Variants in LLGL1 observed in about 807,000 individuals in gnomAD.
LLGL1 encodes the protein LLGL scribble cell polarity complex component 1.
Under a neutral mutation model 110.6 loss-of-function variants are expected in LLGL1, and 58 were observed. That is an observed-to-expected ratio of 0.52 (90% CI 0.42 to 0.65). LLGL1 has a LOEUF of 0.65. Ranked by LOEUF, LLGL1 falls within the 30% of genes least tolerant of loss-of-function variation. The pLI is 0.00. For synonymous variants in LLGL1, 674 were observed against 607.2 expected (o/e 1.11, Z -1.62); for missense variants, 1,229 against 1,462.1 (o/e 0.84, Z 2.60).
chr17:18,232,120 C>T (rs1234554482), intron 2 of LLGL1, among the ~76,000 whole-genome samples: 6 of 152,248 alleles, frequency 3.9e-5, no homozygotes, highest in Non-Finnish European at 7.3e-5. Flanking sequence ...CATAGACACA[C>T]GGAGCTGAAG....
In LLGL1 at chr17:18,225,744, A is replaced by G; in HGVS notation, c.62A>G (p.Glu21Gly). ...ADPQREKLKQ[E>G]LFAFNKTVEH... ...CCGCAGCGCGAGAAGCTCAAGCAGG[A>G]GCTTTTCGCCTTCAACAAGGTGCGG... The change falls in exon 1 of 23, where the codon GAG becomes GGG. Residue 21 changes from glutamate to glycine, a missense_variant. Transcript: ENST00000316843. 9.7e-7 allele frequency: 1 copy of G among 1,032,006 alleles called. No homozygotes were observed. The highest frequency in any genetic ancestry group is 2.8e-5 in the South Asian group (1 of 35,238). 63.9% of individuals were successfully genotyped at this position (1,032,006 alleles called of 1,614,324 possible).
chr17:18,229,303 C>T lies in LLGL1; in HGVS notation c.82-638C>T, dbSNP rs534804598. 2.6e-5 allele frequency among the ~76,000 whole-genome samples: 4 copies of T among 152,236 alleles called. No homozygotes were observed. In the South Asian group the frequency reaches 8.3e-4, roughly 32 times the overall value. On this transcript the variant is annotated intron_variant, in intron 1 of 22. Transcript: ENST00000316843. ...CTCCGCCCCTGATGGTTATGGGAGT[C>T]ATGTTGCCCAGCTGTTGGCAGGTGG...
rs750719870 is a variant in LLGL1, at chr17:18,235,437, C to G, written c.1285-33C>G. On this transcript the variant is annotated intron_variant, in intron 10 of 22. Transcript: ENST00000316843. The stretch of plus-strand genomic sequence containing the variant: ...GAGAGGGAGAAGATGTTCGTCCTAA[C>G]CTTGTGCATACATCTCTGCCACCCC... The G allele has an allele frequency of 6.2e-6, 10 of 1,612,984 alleles. No individual in the cohort carries two copies. The South Asian group carries it at 1.1e-4, about 18-fold the overall frequency.
intron 7 of LLGL1, 89 bp downstream of exon 7, chr17:18,234,497 G>A (rs545876474): frequency 8.2e-6 from 13 of 1,582,410 alleles, no homozygotes; most frequent in South Asian, 5.7e-5. Context: ...GGACTTCCCC[G>A]AGGGGGTGGT....
At chr17:18,225,927 C>A (rs186900966) in intron 1 of LLGL1, among the ~76,000 whole-genome samples, 164 bp downstream of exon 1, 3 of 150,606 alleles carry the variant, frequency 2.0e-5, no homozygotes, top group Admixed American at 2.0e-4. Flanking sequence ...CGGCGGGCCC[C>A]GCTCTGGCTC....
intron 2 of LLGL1, among the ~76,000 whole-genome samples, chr17:18,232,028 GC>G (rs1249333859): frequency 6.6e-6 from 1 of 152,176 alleles, no homozygotes; most frequent in African/African-American, 2.4e-5. Flanking sequence ...GGACTCTTCT[GC>G]CCCCTGGCTT....
chr17:18,228,247 C>T (rs1354228485), intron 1 of LLGL1, among the ~76,000 whole-genome samples: 4 of 152,190 alleles, frequency 2.6e-5, no homozygotes, highest in South Asian at 2.1e-4. Context: ...GTGGCCAGGG[C>T]GGCTGCTGCA....
intron 11 of LLGL1, 176 bp downstream of exon 11, chr17:18,235,713 G>A: frequency 4.8e-6 from 3 of 625,934 alleles, no homozygotes; most frequent in Non-Finnish European, 8.3e-6. Flanking sequence ...TTGGTTCAAG[G>A]TGCTGCCCTG....
At chr17:18,232,199 C>G (rs965047145) in intron 2 of LLGL1, among the ~76,000 whole-genome samples, 2 of 152,254 alleles carry the variant, frequency 1.3e-5, no homozygotes, top group African/African-American at 4.8e-5. Context: ...CTCACTTGAT[C>G]TGCAACAGTC....
chr17:18,228,612 T>C (rs1384106811), intron 1 of LLGL1, among the ~76,000 whole-genome samples: 1 of 152,100 alleles, frequency 6.6e-6, no homozygotes, highest in Non-Finnish European at 1.5e-5. Flanking sequence ...TGCTGGACAG[T>C]GCATGTAACC....
intron 20 of LLGL1, 104 bp downstream of exon 20, chr17:18,242,382 T>C: frequency 6.5e-7 from 1 of 1,535,528 alleles, no homozygotes; most frequent in Non-Finnish European, 8.9e-7. Context: ...CTGTAGGAGA[T>C]GGGTGGTTGT....
Position 18,225,668 on chromosome 17 carries a change from G to A in LLGL1, c.-15G>A. The A allele has an allele frequency of 2.0e-6, 2 of 997,340 alleles. No individual in the cohort carries two copies. The highest frequency in any genetic ancestry group is 2.4e-6 in the Non-Finnish European group (2 of 836,166). The allele number at this position is 997,340 out of a possible 1,614,324, so 61.8% of individuals were successfully genotyped here. A position where few individuals can be genotyped will look rare whatever the true frequency, so the allele number is the denominator to read the frequency against. On this transcript the variant is annotated 5_prime_UTR_variant, in exon 1 of 23. Transcript: ENST00000316843. ...GGCGGCGGCGGCGGGCGAGGCGCCT[G>A]CAGCCGGGCGCAAGATGATGAAGTT...
Position 18,244,731 on chromosome 17 carries a change from G to GGT in LLGL1, c.*826_*827insTG, listed in dbSNP as rs1567700219. The GGT allele has an allele frequency of 2.3e-4, 24 of 106,606 alleles. 1 individual carries two copies. The highest frequency in any genetic ancestry group is 8.2e-4 in the African/African-American group (24 of 29,198). The allele number at this position is 106,606 out of a possible 1,614,324, so 6.6% of individuals were successfully genotyped here. A position where few individuals can be genotyped will look rare whatever the true frequency, so the allele number is the denominator to read the frequency against. ...AGGTGTGTGTGTCCGGCGGGGGGGGGGGGCAGGGGGGGGGGTCAAGATGAG... is the reference window on the plus strand; with the variant it reads ...AGGTGTGTGTGTCCGGCGGGGGGGGGGTGGGCAGGGGGGGGGGTCAAGATGAG... On this transcript the variant is annotated 3_prime_UTR_variant, in exon 23 of 23. Transcript: ENST00000316843.
At chr17:18,237,892 A>G in intron 14 of LLGL1, 119 bp downstream of exon 14, 1 of 1,321,240 alleles carries the variant, frequency 7.6e-7, no homozygotes, top group Non-Finnish European at 1.0e-6. Context: ...GCCCTATAAG[A>G]AATAACCTGG....
intron 1 of LLGL1, among the ~76,000 whole-genome samples, chr17:18,227,300 G>C (rs2047467307): frequency 6.6e-6 from 1 of 152,188 alleles, no homozygotes; most frequent in African/African-American, 2.4e-5. Flanking sequence ...TCCCCAGATG[G>C]CACCTATTTT....
Position 18,238,447 on chromosome 17 carries a change from G to T in LLGL1, c.2053-9G>T, listed in dbSNP as rs370843846. The T allele has an allele frequency of 1.2e-6, 2 of 1,603,268 alleles. No individual in the cohort carries two copies. Among genetic ancestry groups the T allele is most frequent in the Non-Finnish European group, 1.7e-6 (2 of 1,174,236 alleles). ...AGGGAGACAGTGTTCAGGAGCCCCC[G>T]CCCGGCAGTTGCAGGAAGCCAATGC... is the stretch of plus-strand genomic sequence containing the variant. On this transcript the variant is annotated splice_polypyrimidine_tract_variant and intron_variant, in intron 15 of 22. Transcript: ENST00000316843.
At chr17:18,243,520 G>A (rs148366171) in intron 22 of LLGL1, among the ~76,000 whole-genome samples, 5 of 152,222 alleles carry the variant, frequency 3.3e-5, no homozygotes, top group Non-Finnish European at 5.9e-5. Flanking sequence ...AGGTCTCATC[G>A]GTTGGGCCCA....
In LLGL1 at chr17:18,241,435, A is replaced by G. The variant is rs745400336; in HGVS notation, c.2503-16A>G. 7 of 1,606,730 alleles carry G rather than the reference A, an allele frequency of 4.4e-6. No individual in the cohort carries two copies. The highest frequency in any genetic ancestry group is 3.3e-5 in the South Asian group (3 of 90,862). On this transcript the variant is annotated splice_polypyrimidine_tract_variant and intron_variant, in intron 17 of 22. Transcript: ENST00000316843. Reference sequence around the variant, plus strand: ...GACAGGGCCAGGCTTTGTGCTCACCAGCCACCTGCTGTCAGGTGTTCACAC... The same window carrying G: ...GACAGGGCCAGGCTTTGTGCTCACCGGCCACCTGCTGTCAGGTGTTCACAC...
intron 11 of LLGL1, 93 bp downstream of exon 11, chr17:18,235,630 C>T: frequency 1.6e-6 from 2 of 1,265,256 alleles, no homozygotes; most frequent in Non-Finnish European, 2.2e-6. Flanking sequence ...CCAGGAGACT[C>T]AGGCCTGGCC....
Sources: gnomAD v4.1 joint callset for allele counts (sites outside exome capture counted in the v4.1 genomes callset) on GRCh38, gnomAD v4.1.1 for gene constraint, MANE v1.5 for transcripts, NCBI Gene and HGNC (gene_info 2026-07-23, HGNC 2026-07-21) for gene names.